Variants in CDH13 observed in about 807,000 individuals in gnomAD.
The protein encoded by CDH13 is cadherin 13, also known as cadherin-13.
A neutral mutation model predicts 63.8 loss-of-function variants in CDH13; 24 were observed. The observed-to-expected ratio is 0.38, with a 90% confidence interval of 0.27 to 0.53. CDH13 has a LOEUF of 0.53. Ranked by LOEUF, CDH13 falls within the 20% of genes least tolerant of loss-of-function variation. The probability of loss-of-function intolerance (pLI) is 0.85; values close to 1 mark genes in which losing one functional copy is unlikely to be tolerated. For missense variants in CDH13, 1,049 were observed against 903.1 expected, an observed-to-expected ratio of 1.16 and a Z score of -2.07; for synonymous variants, 503 against 355.3, an observed-to-expected ratio of 1.42 and a Z score of -4.67.
chr16:82,767,878 C>T (rs904944469), intron 1 of CDH13, among the ~76,000 whole-genome samples: 2 of 152,104 alleles, frequency 1.3e-5, no homozygotes, highest in African/African-American at 4.8e-5. Context: ...CTTAGCTTTC[C>T]AGGGAGGGGC....
chr16:83,242,531 A>C (rs1018361230), intron 5 of CDH13, among the ~76,000 whole-genome samples: 1 of 152,186 alleles, frequency 6.6e-6, no homozygotes, highest in African/African-American at 2.4e-5. Flanking sequence ...TGGCTGTCAG[A>C]ATGGGCTGGG....
chr16:83,306,642 A>G (rs2089886640), intron 5 of CDH13, among the ~76,000 whole-genome samples: 5 of 152,158 alleles, frequency 3.3e-5, no homozygotes, highest in Admixed American at 3.3e-4. Flanking sequence ...ATGGAATTCC[A>G]AGTACTTTTA....
chr16:82,659,812 C>T (rs770115884), intron 1 of CDH13, among the ~76,000 whole-genome samples: 17 of 152,166 alleles, frequency 1.1e-4, no homozygotes, highest in Non-Finnish European at 2.1e-4. Flanking sequence ...TGTGGTGAGG[C>T]TATCCTGTGC....
intron 5 of CDH13, among the ~76,000 whole-genome samples, chr16:83,276,904 G>A (rs1036799208): frequency 2.6e-5 from 4 of 152,116 alleles, no homozygotes; most frequent in African/African-American, 9.7e-5. Context: ...CACATCTTAC[G>A]TAGATGTTGG....
intron 2 of CDH13, among the ~76,000 whole-genome samples, chr16:83,019,530 C>G (rs1915141246): frequency 6.8e-6 from 1 of 146,150 alleles, no homozygotes; most frequent in Non-Finnish European, 1.5e-5. Context: ...GGGTCTCGCT[C>G]TGTCACCCAG....
intron 1 of CDH13, among the ~76,000 whole-genome samples, chr16:82,745,432 G>A (rs531713452): frequency 3.1e-4 from 47 of 152,168 alleles, no homozygotes; most frequent in African/African-American, 1.1e-3. Flanking sequence ...GTGAAACCCC[G>A]TCTCTACTAA....
chr16:83,483,249 C>A (rs1484586899), intron 6 of CDH13, among the ~76,000 whole-genome samples: 1 of 152,042 alleles, frequency 6.6e-6, no homozygotes, highest in Non-Finnish European at 1.5e-5. Context: ...CAGAGTAAAT[C>A]CAGTGATGCA....
At chr16:83,050,009 T>A (rs2030119442) in intron 3 of CDH13, among the ~76,000 whole-genome samples, 1 of 152,158 alleles carries the variant, frequency 6.6e-6, no homozygotes, top group Non-Finnish European at 1.5e-5. Flanking sequence ...AAAAACGTTG[T>A]ATACTTGCAA....
intron 6 of CDH13, among the ~76,000 whole-genome samples, chr16:83,380,117 C>A (rs966946942): frequency 1.3e-5 from 2 of 151,736 alleles, no homozygotes; most frequent in Non-Finnish European, 2.9e-5. Context: ...GGTATTCTTG[C>A]GTGAGGATGA....
At chr16:83,496,278 A>G (rs1217429463) in intron 7 of CDH13, among the ~76,000 whole-genome samples, 1 of 147,952 alleles carries the variant, frequency 6.8e-6, no homozygotes, top group Non-Finnish European at 1.5e-5. Flanking sequence ...GGCTACAGTA[A>G]CCAAAACAGC....
chr16:83,123,908 T>G (rs749305303), intron 3 of CDH13, among the ~76,000 whole-genome samples: 12 of 152,222 alleles, frequency 7.9e-5, no homozygotes, highest in Admixed American at 5.2e-4. Flanking sequence ...CTGACTGGTA[T>G]AAGATGATAT....
intron 8 of CDH13, among the ~76,000 whole-genome samples, chr16:83,632,976 C>T (rs553105304): frequency 5.5e-4 from 83 of 152,002 alleles, no homozygotes; most frequent in Non-Finnish European, 1.0e-3. Flanking sequence ...CATTTGTAAA[C>T]TGTCATGGCA....
intron 4 of CDH13, among the ~76,000 whole-genome samples, chr16:83,198,281 T>A (rs1238195216): frequency 6.6e-6 from 1 of 151,398 alleles, no homozygotes; most frequent in African/African-American, 2.4e-5. Flanking sequence ...ATGATTTCTT[T>A]CTCTTCTGTA....
chr16:83,297,318 G>A (rs746095697), intron 5 of CDH13, among the ~76,000 whole-genome samples: 1 of 152,116 alleles, frequency 6.6e-6, no homozygotes, highest in Non-Finnish European at 1.5e-5. Flanking sequence ...ATGTATACAT[G>A]TACCAAAAGC....
In CDH13 at chr16:83,525,679, C is replaced by A. The variant is rs545742806; in HGVS notation, c.960+39024C>A. Reference sequence around the variant, plus strand: ...CCAGAAGCTGGGACTATGTTGCCTACCTGAGGGACATTGCAGATGTGATTA... The same window carrying A: ...CCAGAAGCTGGGACTATGTTGCCTAACTGAGGGACATTGCAGATGTGATTA... On this transcript the variant is annotated intron_variant, in intron 7 of 13. Transcript: ENST00000567109. Among the ~76,000 whole-genome samples, 9 of 152,162 alleles carry A rather than the reference C, an allele frequency of 5.9e-5. No individual in the cohort carries two copies. The East Asian group carries it at 1.7e-3, about 29-fold the overall frequency.
At chr16:83,490,248 T>A (rs1011830947) in intron 7 of CDH13, among the ~76,000 whole-genome samples, 1 of 152,174 alleles carries the variant, frequency 6.6e-6, no homozygotes, top group African/African-American at 2.4e-5. Context: ...CAGCAGGAAG[T>A]GTTTAACCAA....
At chr16:83,035,778 T>C (rs1192575494) in intron 3 of CDH13, among the ~76,000 whole-genome samples, 3 of 152,206 alleles carry the variant, frequency 2.0e-5, no homozygotes, top group Non-Finnish European at 4.4e-5. Context: ...TGAGCCTCTA[T>C]GTAGTTTTGA....
intron 4 of CDH13, among the ~76,000 whole-genome samples, chr16:83,157,602 G>T (rs899985447): frequency 1.3e-5 from 2 of 152,114 alleles, no homozygotes; most frequent in African/African-American, 4.8e-5. Flanking sequence ...AAGCAGTAAA[G>T]AAATATGTCC....
At chr16:82,821,619 C>G (rs2038003161) in intron 1 of CDH13, among the ~76,000 whole-genome samples, 1 of 152,202 alleles carries the variant, frequency 6.6e-6, no homozygotes, top group Admixed American at 6.5e-5. Flanking sequence ...AAGACTTTAT[C>G]AAATAACACT....
Sources: gnomAD v4.1 joint callset for allele counts (sites outside exome capture counted in the v4.1 genomes callset) on GRCh38, gnomAD v4.1.1 for gene constraint, MANE v1.5 for transcripts, NCBI Gene and HGNC (gene_info 2026-07-23, HGNC 2026-07-21) for gene names.